Variants in E2F3 observed in about 807,000 individuals in gnomAD.
The protein encoded by E2F3 is transcription factor E2F3.
Under a neutral mutation model 44.4 loss-of-function variants are expected in E2F3, and 11 were observed. That is an observed-to-expected ratio of 0.25 (90% CI 0.16 to 0.41). E2F3 has a LOEUF of 0.41. E2F3 is among the 10% of genes least tolerant of loss of function. The pLI, the probability that E2F3 is intolerant of heterozygous loss-of-function variation, is 1.00. For missense variants in E2F3, 487 were observed against 583.6 expected, an observed-to-expected ratio of 0.83 and a Z score of 1.70; for synonymous variants, 249 against 253.0, an observed-to-expected ratio of 0.98 and a Z score of 0.15.
chr6:20,481,643 G>T (rs886967275), intron 3 of E2F3, among the ~76,000 whole-genome samples: 7 of 152,126 alleles, frequency 4.6e-5, no homozygotes, highest in African/African-American at 1.7e-4. Context: ...AGAGATAAAA[G>T]GATTTATATT....
chr6:20,408,464 C>T (rs537811249), intron 1 of E2F3, among the ~76,000 whole-genome samples: 5 of 152,326 alleles, frequency 3.3e-5, no homozygotes, highest in South Asian at 2.1e-4. Flanking sequence ...AAGGAATGTA[C>T]GTTCTTTCCC....
intron 1 of E2F3, among the ~76,000 whole-genome samples, chr6:20,414,966 A>G (rs1188827129): frequency 6.6e-6 from 1 of 152,182 alleles, no homozygotes; most frequent in Non-Finnish European, 1.5e-5. Context: ...GGCTGGAAGG[A>G]TTAAATGAGA....
intron 1 of E2F3, among the ~76,000 whole-genome samples, chr6:20,432,574 G>A (rs1259230281): frequency 5.3e-5 from 8 of 152,194 alleles, no homozygotes; most frequent in East Asian, 1.9e-4. Flanking sequence ...AGGTGTGGTC[G>A]GATGATTACA....
intron 1 of E2F3, chr6:20,445,150 A>T: frequency 2.0e-6 from 2 of 985,342 alleles, no homozygotes; most frequent in Non-Finnish European, 2.4e-6. Flanking sequence ...CCCTAGTGGC[A>T]GCAGCGCCTT....
At chr6:20,433,196 G>A (rs1254767243) in intron 1 of E2F3, among the ~76,000 whole-genome samples, 1 of 152,186 alleles carries the variant, frequency 6.6e-6, no homozygotes, top group African/African-American at 2.4e-5. Context: ...ACTCAAGGCA[G>A]CCTCAGCCCC....
intron 1 of E2F3, among the ~76,000 whole-genome samples, chr6:20,422,876 G>C (rs1760074252): frequency 1.3e-5 from 2 of 152,158 alleles, no homozygotes; most frequent in Non-Finnish European, 2.9e-5. Flanking sequence ...AGACATAATA[G>C]TAATGAAAAA....
At chr6:20,431,632 A>G (rs1407912300) in intron 1 of E2F3, among the ~76,000 whole-genome samples, 1 of 152,128 alleles carries the variant, frequency 6.6e-6, no homozygotes, top group Non-Finnish European at 1.5e-5. Context: ...AGGCCTCAGC[A>G]GAATGAAGCC....
intron 2 of E2F3, 60 bp from the exon 3 acceptor site, chr6:20,481,146 C>A: frequency 6.7e-7 from 1 of 1,494,224 alleles, no homozygotes; most frequent in Non-Finnish European, 9.2e-7. Context: ...GCAAAGACAC[C>A]CTTCATTTCT....
chr6:20,447,861 T>G (rs985190969), intron 1 of E2F3, among the ~76,000 whole-genome samples: 1 of 152,156 alleles, frequency 6.6e-6, no homozygotes, highest in African/African-American at 2.4e-5. Context: ...AAAAGATGTT[T>G]GCGAGACTTC....
At chr6:20,479,802 TG>T in intron 1 of E2F3, 43 bp from the exon 2 acceptor site, 1 of 1,548,590 alleles carries the variant, frequency 6.5e-7, no homozygotes, top group Non-Finnish European at 8.8e-7. Flanking sequence ...TTCTTGTTCT[TG>T]TCCATATGAC....
At chr6:20,487,271 AT>A (rs1762421990) in intron 5 of E2F3, among the ~76,000 whole-genome samples, 1 of 152,150 alleles carries the variant, frequency 6.6e-6, no homozygotes, top group Admixed American at 6.5e-5. Context: ...TATTTTTGTA[AT>A]TTTCAGATAT....
intron 1 of E2F3, among the ~76,000 whole-genome samples, chr6:20,460,803 C>T (rs1263854384): frequency 6.6e-6 from 1 of 151,710 alleles, no homozygotes; most frequent in Non-Finnish European, 1.5e-5. Context: ...CGAGACCAGC[C>T]TGGCCAACAT....
chr6:20,426,648 T>C (rs1760225507), intron 1 of E2F3, among the ~76,000 whole-genome samples: 1 of 152,246 alleles, frequency 6.6e-6, no homozygotes, highest in Non-Finnish European at 1.5e-5. Context: ...GGCTGTGCTG[T>C]TGGTGACCAG....
At chr6:20,423,649 T>G (rs1284351815) in intron 1 of E2F3, among the ~76,000 whole-genome samples, 1 of 151,630 alleles carries the variant, frequency 6.6e-6, no homozygotes, top group Admixed American at 6.6e-5. Context: ...TTTTGTATTT[T>G]TAGTAGAGAC....
chr6:20,420,980 C>T (rs1451054112), intron 1 of E2F3, among the ~76,000 whole-genome samples: 2 of 152,210 alleles, frequency 1.3e-5, no homozygotes, highest in East Asian at 3.8e-4. Context: ...TATGCAATAT[C>T]CCAAATCCTT....
intron 1 of E2F3, among the ~76,000 whole-genome samples, chr6:20,433,178 G>A (rs1449457657): frequency 6.6e-5 from 10 of 152,166 alleles, no homozygotes; most frequent in Non-Finnish European, 1.2e-4. Flanking sequence ...TAAGGGGCAT[G>A]GAAGATTACT....
At chr6:20,473,010 G>A (rs1218038439) in intron 1 of E2F3, among the ~76,000 whole-genome samples, 1 of 152,118 alleles carries the variant, frequency 6.6e-6, no homozygotes, top group East Asian at 1.9e-4. Context: ...TTTAAAGATG[G>A]GATGGTAGAT....
intron 1 of E2F3, among the ~76,000 whole-genome samples, chr6:20,437,453 A>C (rs1012448586): frequency 1.3e-5 from 2 of 152,128 alleles, no homozygotes; most frequent in African/African-American, 2.4e-5. Flanking sequence ...AATATAGAAA[A>C]TTCAAGATCA....
chr6:20,482,560 A>G (rs1762261456), intron 3 of E2F3, among the ~76,000 whole-genome samples: 1 of 147,084 alleles, frequency 6.8e-6, no homozygotes, highest in Admixed American at 6.8e-5. Flanking sequence ...CTAAATTTCT[A>G]TGCTGTGAAA....
Sources: allele counts gnomAD v4.1 joint callset (sites outside exome capture counted in the v4.1 genomes callset), GRCh38; gene constraint gnomAD v4.1.1; transcripts MANE v1.5; gene names NCBI Gene and HGNC (gene_info 2026-07-23, HGNC 2026-07-21).